TOMM20L: variants seen among roughly 807,000 people sequenced by gnomAD.
The protein encoded by TOMM20L is translocase of outer mitochondrial membrane 20 like.
A neutral mutation model predicts 20.4 loss-of-function variants in TOMM20L; 19 were observed. The ratio of observed to expected loss-of-function variants is 0.93; its 90% CI spans 0.65 to 1.36. TOMM20L has a LOEUF of 1.36. Ranked by LOEUF, TOMM20L falls within the 40% of genes most tolerant of loss-of-function variation. The pLI is 0.00. For missense variants in TOMM20L, 218 were observed against 203.7 expected (o/e 1.07, Z -0.43); for synonymous variants, 75 against 79.6 (o/e 0.94, Z 0.30).
chr14:58,401,669 C>T lies in TOMM20L; in HGVS notation c.181-1011C>T, dbSNP rs377315373. ...ACAAAAACCTTACAGATTTGAAACA[C>T]TGGAGCTGAAGTAACTGGCAGTGGA... On this transcript the variant is annotated intron_variant, in intron 2 of 4. Coordinates refer to ENST00000360945, the MANE Select transcript of TOMM20L (RefSeq NM_207377.3). Among the ~76,000 whole-genome samples, 7 of 152,116 alleles carry T rather than the reference C, an allele frequency of 4.6e-5. 1 individual carries two copies. Among genetic ancestry groups the T allele is most frequent in the South Asian group, 4.2e-4 (2 of 4,816 alleles).
chr14:58,396,425 A>G (rs1192071263), intron 2 of TOMM20L, 84 bp downstream of exon 2: 191 of 1,502,636 alleles, frequency 1.3e-4, no homozygotes, highest in Non-Finnish European at 1.6e-4. Context: ...CGGGCTCGGC[A>G]GCAGGTAGTT....
chr14:58,408,315 G>A (rs2036096814), intron 4 of TOMM20L, among the ~76,000 whole-genome samples: 1 of 151,978 alleles, frequency 6.6e-6, no homozygotes, highest in South Asian at 2.1e-4. Flanking sequence ...TACTTGGGAG[G>A]CTGAAGCAGC....
chr14:58,416,572 G>A, the TOMM20L span, among the ~76,000 whole-genome samples: 3 of 152,160 alleles, frequency 2.0e-5, no homozygotes, highest in South Asian at 6.2e-4. Context: ...GATAAAAGTA[G>A]TAGTCCTGGA....
At chr14:58,408,852 T>C, downstream of TOMM20L, 1 of 841,824 alleles carries the variant, frequency 1.2e-6, no homozygotes. Context: ...AGACCTTCTA[T>C]TGTGATTATT....
downstream of TOMM20L, among the ~76,000 whole-genome samples, chr14:58,409,644 T>A (rs1044652583): frequency 6.6e-6 from 1 of 152,206 alleles, no homozygotes; most frequent in African/African-American, 2.4e-5. Flanking sequence ...AGTGGCGTGA[T>A]CTCGGCTCAC....
downstream of TOMM20L, among the ~76,000 whole-genome samples, chr14:58,411,746 A>G (rs534555083): frequency 6.6e-6 from 1 of 152,178 alleles, no homozygotes; most frequent in South Asian, 2.1e-4. Context: ...CATGTTGGCC[A>G]GGCTGGTCTT....
intron 4 of TOMM20L, 115 bp downstream of exon 4, chr14:58,407,583 G>A: frequency 8.4e-7 from 1 of 1,194,902 alleles, no homozygotes. Context: ...TTAAATAAGT[G>A]AAATCTCTGA....
At chr14:58,414,734 C>T in the TOMM20L span, among the ~76,000 whole-genome samples, 3 of 22,974 alleles carry the variant, frequency 1.3e-4, no homozygotes, top group African/African-American at 1.3e-4. Flanking sequence ...GAGACGCCAT[C>T]TCAAAAAAAA....
chr14:58,411,427 G>A (rs1192637632), downstream of TOMM20L, among the ~76,000 whole-genome samples: 2 of 150,258 alleles, frequency 1.3e-5, no homozygotes, highest in African/African-American at 2.5e-5. Flanking sequence ...CAGCCTGGCC[G>A]ACAAAGAGAG....
At chr14:58,409,289 T>G (rs1013438911), downstream of TOMM20L, 30 of 1,097,358 alleles carry the variant, frequency 2.7e-5, no homozygotes, top group Non-Finnish European at 3.9e-5. Flanking sequence ...GAGAATTAAA[T>G]AGTACTAATT....
Position 58,395,962 on chromosome 14 carries a change from C to A in TOMM20L, c.5C>A (p.Pro2His). Residue 2 changes from proline to histidine, a missense_variant, in exon 1 of 5, where the codon CCC becomes CAC. Pro to His is a moderately conservative substitution (Grantham distance 77, BLOSUM62 -2). Transcript: ENST00000360945. ...TTGTGGGACGCCCGCGGTCGGATGC[C>A]CTCCGTCCGCTCCCTCCTCCGCCTC... Reference protein sequence around the residue: MPSVRSLLRLLA... With the variant: MHSVRSLLRLLA... 1 of 1,438,462 alleles carries A rather than the reference C, an allele frequency of 7.0e-7. No individual in the cohort carries two copies. Among genetic ancestry groups the A allele is most frequent in the Non-Finnish European group, 9.2e-7 (1 of 1,088,978 alleles). The allele number at this position is 1,438,462 out of a possible 1,614,324, so 89.1% of individuals were successfully genotyped here.
At chr14:58,412,367 C>G (rs1280285168), downstream of TOMM20L, among the ~76,000 whole-genome samples, 1 of 152,188 alleles carries the variant, frequency 6.6e-6, no homozygotes, top group African/African-American at 2.4e-5. Flanking sequence ...GTCTCGATCT[C>G]TTAACCTCAT....
At chr14:58,408,480 G>T in intron 4 of TOMM20L, 49 bp from the exon 5 acceptor site, 3 of 1,530,558 alleles carry the variant, frequency 2.0e-6, no homozygotes, top group Non-Finnish European at 2.7e-6. Flanking sequence ...GCAAGAAAAG[G>T]ATCATGCATT....
rs140477438 is a variant in TOMM20L, at chr14:58,400,146, T to C, written c.181-2534T>C. ...CTTTGCTGGGTACAGTGGCTCACAC[T>C]TGTAATCCCAGCACTTTGAGAGGCT... On this transcript the variant is annotated intron_variant, in intron 2 of 4. Coordinates refer to ENST00000360945, the MANE Select transcript of TOMM20L (RefSeq NM_207377.3). Among the ~76,000 whole-genome samples, 87 of 151,846 alleles carry C rather than the reference T, an allele frequency of 5.7e-4. 2 individuals carry two copies. Among genetic ancestry groups the C allele is most frequent in the Middle Eastern group, 3.4e-3 (1 of 292 alleles).
At chr14:58,398,749 A>G (rs577791075) in intron 2 of TOMM20L, 226 of 151,504 alleles carry the variant, frequency 1.5e-3, no homozygotes, top group African/African-American at 5.3e-3. Flanking sequence ...ACTATCATTT[A>G]TTGATATAAA....
rs1273614135 is a variant in TOMM20L at position 58,404,119 on chromosome 14, A to ATTTTTT, written c.262+1380_262+1385dup. On this transcript the variant is annotated intron_variant, in intron 3 of 4. Coordinates refer to ENST00000360945, the MANE Select transcript of TOMM20L (RefSeq NM_207377.3). ...TATATGTATATATATATATATATAT[A>ATTTTTT]TTTTTTTTTTTTTTTTTTTTTTTTT... Among the ~76,000 whole-genome samples, 9 of 8,354 alleles carry ATTTTTT rather than the reference A, an allele frequency of 1.1e-3. 3 individuals carry two copies. The highest frequency in any genetic ancestry group is 3.0e-3 in the African/African-American group (9 of 3,008). 5.5% of individuals were successfully genotyped at this position (8,354 alleles called of 152,430 possible). A position where few individuals can be genotyped will look rare whatever the true frequency, so the allele number is the denominator to read the frequency against.
intron 2 of TOMM20L, among the ~76,000 whole-genome samples, chr14:58,397,497 GT>G (rs2035943066): frequency 6.6e-6 from 1 of 152,214 alleles, no homozygotes; most frequent in Non-Finnish European, 1.5e-5. Flanking sequence ...GAAACATGCA[GT>G]TTTTCCGGAG....
intron 4 of TOMM20L, 127 bp from the exon 5 acceptor site, chr14:58,408,402 A>G: frequency 1.2e-6 from 1 of 816,694 alleles, no homozygotes; most frequent in Non-Finnish European, 1.9e-6. Context: ...GGGTGACGAA[A>G]GCAAAACTCC....
intron 4 of TOMM20L, 92 bp from the exon 5 acceptor site, chr14:58,408,437 A>G: frequency 8.8e-7 from 1 of 1,142,252 alleles, no homozygotes; most frequent in Non-Finnish European, 1.3e-6. Flanking sequence ...AAAAAAGAAA[A>G]GTATATGTAA....
Sources: gnomAD v4.1 joint callset for allele counts (sites outside exome capture counted in the v4.1 genomes callset) on GRCh38, gnomAD v4.1.1 for gene constraint, MANE v1.5 for transcripts, NCBI Gene and HGNC (gene_info 2026-07-23, HGNC 2026-07-21) for gene names.